SCEL: variants seen among roughly 807,000 people sequenced by gnomAD.
The protein encoded by SCEL is sciellin.
SCEL carries 113 observed loss-of-function variants against 117.6 expected under a neutral mutation model. The observed-to-expected ratio is 0.96, with a 90% confidence interval of 0.83 to 1.12. The LOEUF (loss-of-function observed/expected upper bound fraction) is 1.12, where lower values mean the gene tolerates loss of function less well. SCEL is among the 50% of genes most tolerant of loss of function. The pLI, the probability that SCEL is intolerant of heterozygous loss-of-function variation, is 0.00. For synonymous variants in SCEL, 270 were observed against 256.2 expected (o/e 1.05, Z -0.51); for missense variants, 785 against 810.8 (o/e 0.97, Z 0.39).
intron 28 of SCEL, among the ~76,000 whole-genome samples, chr13:77,629,043 G>A (rs2089910027): frequency 6.6e-6 from 1 of 152,140 alleles, no homozygotes; most frequent in African/African-American, 2.4e-5. Flanking sequence ...AAAATTACAA[G>A]TAAATTATTA....
intron 9 of SCEL, among the ~76,000 whole-genome samples, chr13:77,584,533 C>T (rs2086454652): frequency 1.3e-5 from 2 of 152,146 alleles, no homozygotes; most frequent in Admixed American, 6.5e-5. Context: ...CCCTGATCCA[C>T]GCAATCCATA....
chr13:77,583,125 C>T (rs534252384), intron 9 of SCEL, among the ~76,000 whole-genome samples: 10 of 152,308 alleles, frequency 6.6e-5, no homozygotes, highest in African/African-American at 1.7e-4. Context: ...AGTACATGAA[C>T]GTCAAGGTAC....
intron 1 of SCEL, among the ~76,000 whole-genome samples, chr13:77,544,333 G>C (rs565812066): frequency 2.7e-5 from 4 of 150,844 alleles, no homozygotes; most frequent in African/African-American, 9.8e-5. Context: ...TAGTTTCTTT[G>C]TTCACACAAT....
chr13:77,569,523 T>C (rs1442895846), intron 8 of SCEL, 72 bp downstream of exon 8: 3 of 1,160,914 alleles, frequency 2.6e-6, no homozygotes, highest in Non-Finnish European at 3.8e-6. Flanking sequence ...CTTCCTCCTC[T>C]TTTTTGTGGG....
intron 9 of SCEL, among the ~76,000 whole-genome samples, chr13:77,575,965 C>A (rs1264481097): frequency 3.9e-5 from 6 of 152,200 alleles, no homozygotes; most frequent in Non-Finnish European, 8.8e-5. Flanking sequence ...TGTCTCTCCT[C>A]CTACCTCTGA....
In SCEL at chr13:77,599,715, A is replaced by G. The variant is rs766732063; in HGVS notation, c.884A>G (p.Tyr295Cys). 1.4e-5 allele frequency: 22 copies of G among 1,612,366 alleles called. No homozygotes were observed. The highest frequency in any genetic ancestry group is 3.3e-4 in the Middle Eastern group (2 of 6,082). ...KRAKSLESLI[Y>C]MSTRTDKDGK... ...GCCAAAAGCCTTGAAAGTCTCATCT[A>G]TATGAGTACCCGGACAGATAAAGAT... Residue 295 changes from tyrosine to cysteine, a missense_variant, in exon 15 of 33, where the codon TAT becomes TGT. Transcript: ENST00000349847.
rs906212947 is a variant in SCEL, at chr13:77,637,137, G to A, written c.1781G>A (p.Gly594Glu). The change falls in exon 30 of 33, where the codon GGA becomes GAA. Residue 594 changes from glycine to glutamate, a missense_variant. By Grantham distance (98) the Gly-to-Glu change is moderately conservative. Coordinates refer to ENST00000349847, the MANE Select transcript of SCEL (RefSeq NM_144777.3). ...YVENSKSPKD[G>E]YQENISGKYI... ...GTTCCTAGTAAATCACCCAAGGATG[G>A]ATATCAGGAGAATATCTCTGGAAAA... The A allele has an allele frequency of 2.6e-6, 4 of 1,547,274 alleles. No homozygotes were observed. The highest frequency in any genetic ancestry group is 3.5e-6 in the Non-Finnish European group (4 of 1,143,708).
At chr13:77,636,043 G>A (rs571715119) in intron 29 of SCEL, among the ~76,000 whole-genome samples, 6 of 152,230 alleles carry the variant, frequency 3.9e-5, no homozygotes, top group Non-Finnish European at 5.9e-5. Context: ...TCTGTTGACC[G>A]GAAGCCTCTG....
At chr13:77,603,036 G>T in intron 17 of SCEL, 40 bp from the exon 18 acceptor site, 1 of 1,123,922 alleles carries the variant, frequency 8.9e-7, no homozygotes, top group South Asian at 1.5e-5. Flanking sequence ...CTAATATTAT[G>T]GGAATGTTTT....
chr13:77,554,460 G>A (rs1467736753), intron 1 of SCEL, among the ~76,000 whole-genome samples: 1 of 152,140 alleles, frequency 6.6e-6, no homozygotes, highest in African/African-American at 2.4e-5. Flanking sequence ...CAGACCCCAA[G>A]GAAAATAATA....
intron 18 of SCEL, among the ~76,000 whole-genome samples, chr13:77,603,448 A>G (rs1483381039): frequency 1.3e-5 from 2 of 152,310 alleles, no homozygotes; most frequent in African/African-American, 4.8e-5. Context: ...TGTATTTCCA[A>G]AATGACAGAG....
At chr13:77,612,497 C>G (rs1458043379) in intron 22 of SCEL, among the ~76,000 whole-genome samples, 1 of 38,522 alleles carries the variant, frequency 2.6e-5, no homozygotes, top group Non-Finnish European at 6.1e-5. Context: ...CAAATTATCT[C>G]AGTTTTTGTT....
At chr13:77,538,103 T>C (rs1376886593) in intron 1 of SCEL, among the ~76,000 whole-genome samples, 1 of 151,366 alleles carries the variant, frequency 6.6e-6, no homozygotes, top group East Asian at 2.0e-4. Context: ...AGCTCACTTC[T>C]GAATCAAAAG....
At chr13:77,605,406 A>G (rs972239005) in intron 19 of SCEL, among the ~76,000 whole-genome samples, 5 of 152,262 alleles carry the variant, frequency 3.3e-5, no homozygotes, top group Admixed American at 3.3e-4. Context: ...AGAAGAAAAC[A>G]TTGATTTCCT....
intron 1 of SCEL, among the ~76,000 whole-genome samples, chr13:77,551,173 TAGTCTCATCTGGG>T (rs2154395117): frequency 1.3e-5 from 2 of 152,280 alleles, no homozygotes; most frequent in Admixed American, 1.3e-4. Context: ...TGAGCTCCGG[TAGTCTCATCTGGG>T]AGTTGGAGGG....
Position 77,644,250 on chromosome 13 carries a change from A to G in SCEL, c.2051-8A>G. The G allele has an allele frequency of 6.2e-7, 1 of 1,613,132 alleles. No homozygotes were observed. Among genetic ancestry groups the G allele is most frequent in the Non-Finnish European group, 8.5e-7 (1 of 1,179,324 alleles). ...GAATTTGCACGTCTTTTTTCTTTTA[A>G]TTTGCAGCAAAGTGGATTCCATAAC... On this transcript the variant is annotated splice_polypyrimidine_tract_variant and splice_region_variant and intron_variant, in intron 32 of 32. Transcript: ENST00000349847.
At chr13:77,614,353 G>T (rs1176904725) in intron 24 of SCEL, among the ~76,000 whole-genome samples, 1 of 152,128 alleles carries the variant, frequency 6.6e-6, no homozygotes, top group Admixed American at 6.6e-5. Context: ...CTAATCATTA[G>T]CAGTATCATT....
At position 77,597,605 on chromosome 13, in the gene SCEL, G is replaced by T; in HGVS notation, c.797+16G>T. The T allele has an allele frequency of 7.2e-7, 1 of 1,381,104 alleles. No individual in the cohort carries two copies. Among genetic ancestry groups the T allele is most frequent in the Non-Finnish European group, 1.0e-6 (1 of 1,003,400 alleles). 85.6% of individuals were successfully genotyped at this position (1,381,104 alleles called of 1,614,324 possible). A position where few individuals can be genotyped will look rare whatever the true frequency, so the allele number is the denominator to read the frequency against. ...GCTTGAATAGGTAAGATTTTTAAAT[G>T]TTTATCTTTTATTACTGAGTTGCAT... On this transcript the variant is annotated intron_variant, in intron 13 of 32. Coordinates refer to ENST00000349847, the MANE Select transcript of SCEL (RefSeq NM_144777.3).
intron 7 of SCEL, 109 bp from the exon 8 acceptor site, chr13:77,569,262 A>C (rs968899509): frequency 3.0e-5 from 24 of 795,298 alleles, no homozygotes; most frequent in Non-Finnish European, 4.4e-5. Context: ...GAAACATTTT[A>C]TGAACAGAGA....
Sources: allele counts gnomAD v4.1 joint callset (sites outside exome capture counted in the v4.1 genomes callset), GRCh38; gene constraint gnomAD v4.1.1; transcripts MANE v1.5; gene names NCBI Gene and HGNC (gene_info 2026-07-23, HGNC 2026-07-21).